Variants in CCL5 observed in about 807,000 individuals in gnomAD.
The protein encoded by CCL5 is C-C motif chemokine 5.
Under a neutral mutation model 9.0 loss-of-function variants are expected in CCL5, and 5 were observed. The ratio of observed to expected loss-of-function variants is 0.55; its 90% confidence interval spans 0.29 to 1.16. The LOEUF is 1.16. Ranked by LOEUF, CCL5 falls within the 50% of genes most tolerant of loss-of-function variation. CCL5 has a pLI of 0.08. For missense variants in CCL5, 183 were observed against 183.2 expected, an observed-to-expected ratio of 1.00 and a Z score of 0.01; for synonymous variants, 66 against 72.0, an observed-to-expected ratio of 0.92 and a Z score of 0.42.
At position 35,878,632 on chromosome 17, in the gene CCL5, CGAGGAATCTGGAA is replaced by C; in HGVS notation, c.77-6_83del. On this transcript the variant is annotated splice_acceptor_variant and splice_polypyrimidine_tract_variant and coding_sequence_variant and intron_variant, in exon 2 of 4. Transcript: ENST00000651122. LOFTEE classifies it high-confidence loss of function. ...AGGCAAAGCAGCAGGGTGTGGTGTC[CGAGGAATCTGGAA>C]GAGGAAAGGAAGGAGGGAGACCCTT... 1 of 1,609,844 alleles carries C rather than the reference CGAGGAATCTGGAA, an allele frequency of 6.2e-7. No homozygotes were observed. Among genetic ancestry groups the C allele is most frequent in the Non-Finnish European group, 8.5e-7 (1 of 1,177,168 alleles).
chr17:35,879,520 C>T (rs1003441209), intron 1 of CCL5, among the ~76,000 whole-genome samples: 3 of 151,458 alleles, frequency 2.0e-5, no homozygotes, highest in Admixed American at 2.0e-4. Context: ...CTGTAGTCCC[C>T]GCTACTCCGG....
In CCL5 at chr17:35,880,229, C is replaced by A; in HGVS notation, c.76+1G>T. The A allele has an allele frequency of 6.2e-7, 1 of 1,613,586 alleles. No individual in the cohort carries two copies. Among genetic ancestry groups the A allele is most frequent in the Non-Finnish European group, 8.5e-7 (1 of 1,179,696 alleles). On this transcript the variant is annotated splice_donor_variant, in intron 1 of 3. Transcript: ENST00000651122. LOFTEE classifies it high-confidence loss of function. ...CTGTGGTGGTCAAGACCAGGACTTA[C>A]ATGGGGAGGCAGATGCAGGAGCGCA... is the stretch of plus-strand genomic sequence containing the variant.
At chr17:35,880,200 G>A (rs775932852) in intron 1 of CCL5, 30 bp downstream of exon 1, 2 of 1,592,902 alleles carry the variant, frequency 1.3e-6, no homozygotes, top group South Asian at 2.2e-5. Flanking sequence ...TCTGACTCCA[G>A]GGGCTGTGGT....
chr17:35,872,344 T>G lies in CCL5; in HGVS notation c.391A>C (p.Ile131Leu), dbSNP rs762340963. ...ACAAGAGCAAGCAGAAACAGGCAAA[T>G]TTGTGTAAGTTCAGGTTCAAGGACT... The change falls in exon 4 of 4, where the codon ATT becomes CTT. Residue 131 changes from isoleucine to leucine, a missense_variant. Ile to Leu is a conservative substitution (Grantham distance 5). Transcript: ENST00000651122. 2.5e-6 allele frequency: 4 copies of G among 1,610,394 alleles called. No individual in the cohort carries two copies. Among genetic ancestry groups the G allele is most frequent in the Non-Finnish European group, 3.4e-6 (4 of 1,177,736 alleles).
chr17:35,878,483 C>A (rs749186616), intron 2 of CCL5, 45 bp downstream of exon 2: 3 of 1,382,482 alleles, frequency 2.2e-6, no homozygotes, highest in South Asian at 2.3e-5. Flanking sequence ...CAGAGGACTC[C>A]TCAGGGAACA....
Position 35,872,358 on chromosome 17 carries a change from G to C in CCL5, c.377C>G (p.Pro126Arg), listed in dbSNP as rs997764126. Residue 126 changes from proline (P) to arginine (R), a missense_variant, in exon 4 of 4, where the codon CCT becomes CGT. By Grantham distance (103) the Pro-to-Arg change is moderately radical (BLOSUM62 -2). Transcript: ENST00000651122. Reference sequence around the variant, plus strand: ...AAACAGGCAAATTTGTGTAAGTTCAGGTTCAAGGACTCTCCATCCTAGCTC... The same window carrying C: ...AAACAGGCAAATTTGTGTAAGTTCACGTTCAAGGACTCTCCATCCTAGCTC... The C allele has an allele frequency of 6.2e-7, 1 of 1,613,008 alleles. No homozygotes were observed. The highest frequency in any genetic ancestry group is 8.5e-7 in the Non-Finnish European group (1 of 1,179,444).
chr17:35,878,410 G>C, intron 2 of CCL5, 118 bp downstream of exon 2: 1 of 692,752 alleles, frequency 1.4e-6, no homozygotes, highest in Non-Finnish European at 2.6e-6. Flanking sequence ...TCTGAGGCTA[G>C]AGATGGAGGA....
At chr17:35,875,833 C>T (rs1235127296) in intron 2 of CCL5, among the ~76,000 whole-genome samples, 1 of 152,114 alleles carries the variant, frequency 6.6e-6, no homozygotes, top group African/African-American at 2.4e-5. Flanking sequence ...CCCTTAAGAG[C>T]GGATGTTCTC....
Position 35,878,658 on chromosome 17 carries a change from G to A in CCL5, c.77-19C>T, listed in dbSNP as rs2088474847. On this transcript the variant is annotated intron_variant, in intron 1 of 3. Transcript: ENST00000651122. Reference sequence around the variant, plus strand: ...GAGGAATCTGGAAGAGGAAAGGAAGGAGGGAGACCCTTTTATTCATTGCTA... The same window carrying A: ...GAGGAATCTGGAAGAGGAAAGGAAGAAGGGAGACCCTTTTATTCATTGCTA... 7.3e-6 allele frequency: 11 copies of A among 1,499,550 alleles called. No individual in the cohort carries two copies. Among genetic ancestry groups the A allele is most frequent in the East Asian group, 4.5e-5 (2 of 44,244 alleles). 92.9% of individuals were successfully genotyped at this position (1,499,550 alleles called of 1,614,324 possible). A position where few individuals can be genotyped will look rare whatever the true frequency, so the allele number is the denominator to read the frequency against.
In CCL5 at chr17:35,872,161, G is replaced by C. The variant is rs949314256; in HGVS notation, c.*109C>G. The C allele has an allele frequency of 1.7e-6, 1 of 594,134 alleles. No homozygotes were observed. Among genetic ancestry groups the C allele is most frequent in the Non-Finnish European group, 2.6e-6 (1 of 388,408 alleles). The allele number at this position is 594,134 out of a possible 1,614,324, so 36.8% of individuals were successfully genotyped here. ...TGGTCTCGAACTCCTGACCTCAAGT[G>C]ATCCACCCACCTTGGCCTCCCAAAG... On this transcript the variant is annotated 3_prime_UTR_variant, in exon 4 of 4. Coordinates refer to ENST00000651122, the MANE Select transcript of CCL5 (RefSeq NM_001278736.2).
chr17:35,872,790 C>G (rs1316981653), intron 3 of CCL5, among the ~76,000 whole-genome samples: 1 of 152,204 alleles, frequency 6.6e-6, no homozygotes, highest in Non-Finnish European at 1.5e-5. Context: ...TCAGCACTTC[C>G]TCTGCTCCAG....
intron 3 of CCL5, among the ~76,000 whole-genome samples, chr17:35,875,047 AAAG>A (rs1177998005): frequency 5.3e-5 from 8 of 152,042 alleles, no homozygotes; most frequent in Non-Finnish European, 1.0e-4. Flanking sequence ...TTAAAAAAAA[AAAG>A]AAATGTATTC....
intron 1 of CCL5, among the ~76,000 whole-genome samples, chr17:35,879,932 A>C (rs2088494127): frequency 6.6e-6 from 1 of 152,142 alleles, no homozygotes; most frequent in Non-Finnish European, 1.5e-5. Context: ...GCTACTCATG[A>C]CTACTAATCT....
At chr17:35,878,947 C>T (rs2088478693) in intron 1 of CCL5, among the ~76,000 whole-genome samples, 1 of 152,126 alleles carries the variant, frequency 6.6e-6, no homozygotes, top group South Asian at 2.1e-4. Context: ...CTTCCAGCAT[C>T]CTCAATGGAT....
chr17:35,877,522 A>C (rs2088456126), intron 2 of CCL5, among the ~76,000 whole-genome samples: 1 of 152,250 alleles, frequency 6.6e-6, no homozygotes, highest in South Asian at 2.1e-4. Context: ...GGCTCTAGAG[A>C]TGGACTTCAT....
intron 3 of CCL5, among the ~76,000 whole-genome samples, chr17:35,874,418 C>G (rs896620016): frequency 6.6e-6 from 1 of 152,140 alleles, no homozygotes; most frequent in Non-Finnish European, 1.5e-5. Context: ...ACCTTAGCCT[C>G]CTGAGTAGCT....
chr17:35,878,165 C>T (rs1042731170), intron 2 of CCL5, among the ~76,000 whole-genome samples: 62 of 151,538 alleles, frequency 4.1e-4, no homozygotes, highest in African/African-American at 1.5e-3. Context: ...CACCTGTAGT[C>T]CCAGCTACTC....
chr17:35,875,614 C>CCT lies in CCL5; in HGVS notation c.215_216dup (p.Gly73ArgfsTer15). On this transcript the variant is annotated frameshift_variant, in exon 3 of 4. Coordinates refer to ENST00000651122, the MANE Select transcript of CCL5 (RefSeq NM_001278736.2). LOFTEE classifies it high-confidence loss of function. ...AGGAAATCCTGCCAGACTTGCTGTCCCTCTCTCTTTGGCATCCTTGACCTG... is the reference window on the plus strand; with the variant it reads ...AGGAAATCCTGCCAGACTTGCTGTCCCTCTCTCTCTTTGGCATCCTTGACCTG... The CCT allele has an allele frequency of 1.0e-6, 1 of 985,330 alleles. No individual in the cohort carries two copies. The highest frequency in any genetic ancestry group is 1.2e-6 in the Non-Finnish European group (1 of 829,924). The allele number at this position is 985,330 out of a possible 1,614,324, so 61.0% of individuals were successfully genotyped here.
Position 35,872,280 on chromosome 17 carries a change from G to A in CCL5, c.455C>T (p.Pro152Leu). 1 of 1,572,372 alleles carries A rather than the reference G, an allele frequency of 6.4e-7. No homozygotes were observed. Among genetic ancestry groups the A allele is most frequent in the Non-Finnish European group, 8.7e-7 (1 of 1,154,690 alleles). The change falls in exon 4 of 4, where the codon CCC (proline) becomes CTC (leucine). Residue 152 changes from proline to leucine, a missense_variant. By Grantham distance (98) the Pro-to-Leu change is moderately conservative. Transcript: ENST00000651122. ...TAGAATCTGGGCCCTTCAAGGAGCGGGTGGGGTAGGATAGTGAGGGGAAGC... is the reference window on the plus strand; with the variant it reads ...TAGAATCTGGGCCCTTCAAGGAGCGAGTGGGGTAGGATAGTGAGGGGAAGC...
Sources: allele counts gnomAD v4.1 joint callset (sites outside exome capture counted in the v4.1 genomes callset), GRCh38; gene constraint gnomAD v4.1.1; transcripts MANE v1.5; gene names NCBI Gene and HGNC (gene_info 2026-07-23, HGNC 2026-07-21).